The following SV2C variants were observed in gnomAD, a reference collection of about 807,000 sequenced individuals.
The protein encoded by SV2C is synaptic vesicle glycoprotein 2C, also known as solute carrier family 22 member B3.
SV2C carries 49 observed loss-of-function variants against 79.7 expected under a neutral mutation model. The observed-to-expected ratio is 0.61, with a 90% CI of 0.49 to 0.78. SV2C has a LOEUF of 0.78. SV2C is among the 30% of genes least tolerant of loss of function. The pLI is 0.00. For synonymous variants in SV2C, 334 were observed against 333.2 expected (o/e 1.00, Z -0.03); for missense variants, 833 against 912.9 (o/e 0.91, Z 1.13).
At chr5:75,968,003 TG>T in the SV2C span, among the ~76,000 whole-genome samples, 1 of 152,258 alleles carries the variant, frequency 6.6e-6, no homozygotes, top group African/African-American at 2.4e-5. Context: ...CAGCAGCATT[TG>T]TGGGTTCACC....
At chr5:75,900,479 C>T in the SV2C span, among the ~76,000 whole-genome samples, 273 of 152,296 alleles carry the variant, frequency 1.8e-3, 4 homozygotes, top group Admixed American at 0.014. Flanking sequence ...CGACCTTTCT[C>T]TCTGGCTGCC....
At chr5:76,107,170 G>GT (rs1747946468) in intron 1 of SV2C, among the ~76,000 whole-genome samples, 1 of 152,180 alleles carries the variant, frequency 6.6e-6, no homozygotes. Flanking sequence ...AAGAAAATCA[G>GT]TAAGCAATCC....
chr5:76,005,297 A>G, the SV2C span, among the ~76,000 whole-genome samples: 2 of 152,238 alleles, frequency 1.3e-5, no homozygotes, highest in African/African-American at 4.8e-5. Context: ...GTGACTAAAA[A>G]TATAAATGTT....
At chr5:75,931,154 T>C in the SV2C span, among the ~76,000 whole-genome samples, 5 of 152,216 alleles carry the variant, frequency 3.3e-5, no homozygotes, top group African/African-American at 1.2e-4. Context: ...AAAACAATAA[T>C]GAGCAAACCT....
chr5:76,305,815 C>G (rs1050825315), intron 12 of SV2C, among the ~76,000 whole-genome samples: 2 of 152,218 alleles, frequency 1.3e-5, no homozygotes, highest in Non-Finnish European at 2.9e-5. Flanking sequence ...TAAACAGATG[C>G]ATGGTGACAT....
intron 10 of SV2C, 27 bp downstream of exon 10, chr5:76,298,954 T>G (rs746982589): frequency 1.7e-5 from 28 of 1,609,536 alleles, no homozygotes; most frequent in Non-Finnish European, 2.4e-5. Context: ...GTACTGCCTC[T>G]ACCTGAGGCC....
intron 4 of SV2C, among the ~76,000 whole-genome samples, chr5:76,215,251 TG>T (rs1221064272): frequency 6.6e-6 from 1 of 152,160 alleles, no homozygotes; most frequent in African/African-American, 2.4e-5. Flanking sequence ...AAAGGCCCAA[TG>T]GGTGACCTCA....
At chr5:75,971,351 A>C in the SV2C span, among the ~76,000 whole-genome samples, 1 of 152,050 alleles carries the variant, frequency 6.6e-6, no homozygotes, top group East Asian at 1.9e-4. Context: ...AAGGAAATAA[A>C]GGGTATTCAA....
At chr5:76,081,726 G>T (rs30196), upstream of SV2C, among the ~76,000 whole-genome samples, 86,077 of 152,004 alleles carry the variant, frequency 0.57, 25,925 homozygotes, top group African/African-American at 0.77. Context: ...AACTTTTAGT[G>T]CCAGAGTGTC....
At chr5:75,969,764 C>T in the SV2C span, among the ~76,000 whole-genome samples, 8 of 151,970 alleles carry the variant, frequency 5.3e-5, no homozygotes, top group Admixed American at 2.6e-4. Flanking sequence ...GACAGATCAA[C>T]GAGACAGAAA....
At chr5:75,989,120 T>C in the SV2C span, among the ~76,000 whole-genome samples, 2 of 151,930 alleles carry the variant, frequency 1.3e-5, no homozygotes, top group Non-Finnish European at 2.9e-5. Context: ...TTTCCCACTT[T>C]CCAATAAACC....
the SV2C span, among the ~76,000 whole-genome samples, chr5:76,058,661 A>T: frequency 6.6e-6 from 1 of 152,158 alleles, no homozygotes; most frequent in Non-Finnish European, 1.5e-5. Context: ...TATAAAATTA[A>T]ATCTGGAACA....
chr5:76,261,449 G>A (rs546563973), intron 4 of SV2C, among the ~76,000 whole-genome samples: 5 of 152,176 alleles, frequency 3.3e-5, no homozygotes, highest in African/African-American at 9.6e-5. Flanking sequence ...TCTCTTGCCC[G>A]ATTGTTCTGG....
intron 4 of SV2C, among the ~76,000 whole-genome samples, chr5:76,264,275 G>C (rs1293403088): frequency 1.3e-5 from 2 of 151,734 alleles, no homozygotes; most frequent in African/African-American, 2.4e-5. Flanking sequence ...GTGTTTTTCA[G>C]CTCCAACAGG....
At chr5:76,182,234 G>T (rs553051612) in intron 2 of SV2C, among the ~76,000 whole-genome samples, 11 of 151,996 alleles carry the variant, frequency 7.2e-5, no homozygotes, top group East Asian at 1.9e-4. Flanking sequence ...GGTTTCTGTT[G>T]TGAACATCTT....
At chr5:76,047,766 C>CT in the SV2C span, among the ~76,000 whole-genome samples, 24,038 of 129,224 alleles carry the variant, frequency 0.19, 2,889 homozygotes, top group South Asian at 0.33. Context: ...TTTTTCTTTT[C>CT]TTTTTTTTTT....
At chr5:76,059,669 T>C in the SV2C span, among the ~76,000 whole-genome samples, 1 of 152,080 alleles carries the variant, frequency 6.6e-6, no homozygotes, top group Non-Finnish European at 1.5e-5. Context: ...AAATCATCCA[T>C]GAGAGTTGGC....
intron 12 of SV2C, among the ~76,000 whole-genome samples, chr5:76,342,351 A>G (rs1749457916): frequency 6.6e-6 from 1 of 152,174 alleles, no homozygotes; most frequent in Admixed American, 6.5e-5. Context: ...GCCTCAGCAA[A>G]TCACACCAGG....
At chr5:76,270,766 A>G (rs533497965) in intron 4 of SV2C, among the ~76,000 whole-genome samples, 24 of 150,638 alleles carry the variant, frequency 1.6e-4, no homozygotes, top group African/African-American at 5.9e-4. Context: ...TTATTTATTT[A>G]TTTTTATTAT....
Sources: allele counts gnomAD v4.1 joint callset (sites outside exome capture counted in the v4.1 genomes callset), GRCh38; gene constraint gnomAD v4.1.1; transcripts MANE v1.5; gene names NCBI Gene and HGNC (gene_info 2026-07-23, HGNC 2026-07-21).